Variants in GAREM1 observed in about 807,000 individuals in gnomAD.
GAREM1 encodes the protein GRB2-associated and regulator of MAPK protein 1.
A neutral mutation model predicts 71.3 loss-of-function variants in GAREM1; 26 were observed. The observed-to-expected ratio is 0.36, with a 90% CI of 0.27 to 0.51. The LOEUF is 0.51. Ranked by LOEUF, GAREM1 falls within the 20% of genes least tolerant of loss-of-function variation. The pLI is 0.95. For synonymous variants in GAREM1, 440 were observed against 433.2 expected, an observed-to-expected ratio of 1.02 and a Z score of -0.20; for missense variants, 1,026 against 1,103.1, an observed-to-expected ratio of 0.93 and a Z score of 0.99.
At chr18:32,300,835 G>A (rs1162798939) in intron 3 of GAREM1, among the ~76,000 whole-genome samples, 2 of 149,968 alleles carry the variant, frequency 1.3e-5, no homozygotes, top group African/African-American at 5.0e-5. Context: ...GAACCCGAGA[G>A]GCAGAGGTTG....
chr18:32,459,140 G>T (rs1287220895), intron 1 of GAREM1, among the ~76,000 whole-genome samples: 2 of 152,040 alleles, frequency 1.3e-5, no homozygotes, highest in African/African-American at 4.8e-5. Context: ...TTAACAAGCA[G>T]TTTTATATAC....
intron 2 of GAREM1, among the ~76,000 whole-genome samples, chr18:32,382,255 T>C (rs775557216): frequency 3.0e-4 from 46 of 152,150 alleles, no homozygotes; most frequent in Middle Eastern, 3.4e-3. Flanking sequence ...GGGTGCAAAT[T>C]GTTACAGGGA....
At chr18:32,315,447 TATAA>T (rs1222939822) in intron 2 of GAREM1, among the ~76,000 whole-genome samples, 3 of 147,170 alleles carry the variant, frequency 2.0e-5, no homozygotes, top group African/African-American at 7.4e-5. Flanking sequence ...AAAAAATATA[TATAA>T]AAGTATATAT....
chr18:32,423,233 A>G (rs1025514623), intron 1 of GAREM1, among the ~76,000 whole-genome samples: 5 of 152,232 alleles, frequency 3.3e-5, no homozygotes, highest in Non-Finnish European at 7.3e-5. Context: ...ATGTGAGAAC[A>G]GTACTTCTTT....
intron 2 of GAREM1, among the ~76,000 whole-genome samples, chr18:32,343,310 TG>T (rs1304906769): frequency 7.0e-6 from 1 of 141,854 alleles, no homozygotes; most frequent in Non-Finnish European, 1.5e-5. Flanking sequence ...TCTCCCCCAC[TG>T]TTTTTTTTTT....
chr18:32,416,101 C>A (rs1232040206), intron 1 of GAREM1, among the ~76,000 whole-genome samples: 4 of 151,644 alleles, frequency 2.6e-5, no homozygotes, highest in South Asian at 2.1e-4. Flanking sequence ...AAAAATAAAT[C>A]AAAAAAGCGA....
Position 32,290,642 on chromosome 18 carries a change from G to GAA in GAREM1, c.394-2441_394-2440dup, listed in dbSNP as rs586596. Among the ~76,000 whole-genome samples the GAA allele has an allele frequency of 5.4e-3, 407 of 75,564 alleles. 9 individuals carry two copies. Among genetic ancestry groups the GAA allele is most frequent in the African/African-American group, 0.016 (369 of 23,730 alleles). The allele number at this position is 75,564 out of a possible 152,430, so 49.6% of individuals were successfully genotyped here. ...CCTGGGTGACAGAGACAGACTGTCT[G>GAA]AAAAAAAAAAAAAAAAAAGAAAAAT... is the stretch of plus-strand genomic sequence containing the variant. On this transcript the variant is annotated intron_variant, in intron 3 of 5. Coordinates refer to ENST00000269209, the MANE Select transcript of GAREM1 (RefSeq NM_001242409.2).
chr18:32,334,768 C>A (rs1394046415), intron 2 of GAREM1, among the ~76,000 whole-genome samples: 3 of 152,166 alleles, frequency 2.0e-5, no homozygotes, highest in African/African-American at 2.4e-5. Flanking sequence ...AATACAACCT[C>A]CGATAGATCA....
chr18:32,412,521 C>T, intron 1 of GAREM1: 1 of 1,596,924 alleles, frequency 6.3e-7, no homozygotes, highest in South Asian at 1.1e-5. Flanking sequence ...GAAGTTTCCT[C>T]CATGACCGAA....
intron 2 of GAREM1, among the ~76,000 whole-genome samples, chr18:32,366,403 T>C (rs1320562068): frequency 6.6e-6 from 1 of 152,030 alleles, no homozygotes; most frequent in East Asian, 1.9e-4. Context: ...CCTCAACAAA[T>C]ATCTGCTGCA....
chr18:32,363,920 A>ACACACACACACACAT (rs1408632288), intron 2 of GAREM1, among the ~76,000 whole-genome samples: 2 of 146,660 alleles, frequency 1.4e-5, no homozygotes, highest in East Asian at 4.0e-4. Flanking sequence ...ACACACACAT[A>ACACACACACACACAT]AAAAAATATA....
At chr18:32,433,123 T>C (rs2048639676) in intron 1 of GAREM1, among the ~76,000 whole-genome samples, 1 of 151,486 alleles carries the variant, frequency 6.6e-6, no homozygotes, top group African/African-American at 2.4e-5. Flanking sequence ...CAATTGAAAA[T>C]CGGTTAATTT....
chr18:32,279,492 G>A (rs573926811), intron 4 of GAREM1, among the ~76,000 whole-genome samples: 1 of 152,160 alleles, frequency 6.6e-6, no homozygotes, highest in Non-Finnish European at 1.5e-5. Context: ...TCTAGGTTGC[G>A]TATTCCTTAT....
chr18:32,394,905 C>A (rs1296176610), intron 1 of GAREM1, among the ~76,000 whole-genome samples: 1 of 152,146 alleles, frequency 6.6e-6, no homozygotes, highest in Non-Finnish European at 1.5e-5. Context: ...TACAACAGGC[C>A]CTGCTGCACA....
intron 1 of GAREM1, among the ~76,000 whole-genome samples, chr18:32,401,744 A>G (rs11873828): frequency 0.046 from 7,050 of 152,204 alleles, 251 homozygotes; most frequent in East Asian, 0.11. Context: ...CATTCGGGGG[A>G]AAAAAATGTT....
chr18:32,405,400 G>A (rs1217975394), intron 1 of GAREM1, among the ~76,000 whole-genome samples: 3 of 152,030 alleles, frequency 2.0e-5, no homozygotes, highest in East Asian at 1.9e-4. Flanking sequence ...GTTTTTTCAC[G>A]TTGGCCAGGC....
At chr18:32,428,973 TAC>T (rs1599041158) in intron 1 of GAREM1, among the ~76,000 whole-genome samples, 4 of 152,300 alleles carry the variant, frequency 2.6e-5, no homozygotes, top group Admixed American at 2.0e-4. Flanking sequence ...TAGCAAAATT[TAC>T]AGTTTCAAAA....
At chr18:32,364,005 T>TACAC (rs1555638716) in intron 2 of GAREM1, among the ~76,000 whole-genome samples, 1 of 43,296 alleles carries the variant, frequency 2.3e-5, no homozygotes, top group African/African-American at 1.3e-4. Context: ...CATATATATA[T>TACAC]ATATATATAT....
chr18:32,464,653 A>T (rs980070373), intron 1 of GAREM1, among the ~76,000 whole-genome samples: 4 of 152,122 alleles, frequency 2.6e-5, no homozygotes, highest in Admixed American at 2.6e-4. Flanking sequence ...CTCAAAACGA[A>T]ACACACTCAA....
Sources: gnomAD v4.1 joint callset for allele counts (sites outside exome capture counted in the v4.1 genomes callset) on GRCh38, gnomAD v4.1.1 for gene constraint, MANE v1.5 for transcripts, NCBI Gene and HGNC (gene_info 2026-07-23, HGNC 2026-07-21) for gene names.